Variants in GALNT18 observed in about 807,000 individuals in gnomAD.
GALNT18 encodes GalNAc-transferase 18.
In GALNT18, 44 loss-of-function variants were observed where a neutral mutation model predicts 69.5. The ratio of observed to expected loss-of-function variants is 0.63; its 90% CI spans 0.50 to 0.81. The LOEUF is 0.81. Among genes scored for constraint, GALNT18 ranks in the 40% least tolerant of loss-of-function variants. The pLI, the probability that GALNT18 is intolerant of heterozygous loss-of-function variation, is 0.00. For synonymous variants in GALNT18, 364 were observed against 318.2 expected, an observed-to-expected ratio of 1.14 and a Z score of -1.53; for missense variants, 715 against 810.0, an observed-to-expected ratio of 0.88 and a Z score of 1.42.
At position 11,620,294 on chromosome 11, in the gene GALNT18, G is replaced by C. The variant is rs1439888387; in HGVS notation, c.235+1065C>G. On this transcript the variant is annotated intron_variant, in intron 1 of 10. Coordinates refer to ENST00000227756, the MANE Select transcript of GALNT18 (RefSeq NM_198516.3). This position sits in a 1 kb window ranked among gnomAD's most constrained non-coding sequence, Gnocchi z 6.9. ...CCTGGAAGAAAGCAGGGGGCGCGGGGAGGGGAGGAAGTGTGGACGTGAGCG... is the reference window on the plus strand; with the variant it reads ...CCTGGAAGAAAGCAGGGGGCGCGGGCAGGGGAGGAAGTGTGGACGTGAGCG... Among the ~76,000 whole-genome samples the C allele has an allele frequency of 6.8e-6, 1 of 146,906 alleles. No individual in the cohort carries two copies.
chr11:11,271,382 CATT>C (rs909041539), intron 10 of GALNT18, 92 bp from the exon 11 acceptor site: 29 of 1,356,002 alleles, frequency 2.1e-5, no homozygotes, highest in Non-Finnish European at 2.5e-5. Context: ...TGAGGGCTGA[CATT>C]ATCTGTGTGG....
intron 1 of GALNT18, among the ~76,000 whole-genome samples, chr11:11,610,135 G>A (rs1565040454): frequency 6.6e-6 from 1 of 152,136 alleles, no homozygotes. Flanking sequence ...TAATCACTTG[G>A]TAACCCACCT....
chr11:11,379,736 G>T (rs1045948830), intron 3 of GALNT18, among the ~76,000 whole-genome samples: 3 of 152,178 alleles, frequency 2.0e-5, no homozygotes, highest in African/African-American at 7.2e-5. Context: ...CCTCTGCCAA[G>T]ACCCCAGCCC....
chr11:11,466,233 C>T (rs909568165), intron 1 of GALNT18, among the ~76,000 whole-genome samples: 1 of 152,194 alleles, frequency 6.6e-6, no homozygotes, highest in Non-Finnish European at 1.5e-5. Context: ...CTGCATTTTG[C>T]AAAACACTGA....
At chr11:11,272,053 C>G (rs1589993182) in intron 10 of GALNT18, among the ~76,000 whole-genome samples, 1 of 152,176 alleles carries the variant, frequency 6.6e-6, no homozygotes, top group Non-Finnish European at 1.5e-5. Context: ...TTGTGCTCAA[C>G]TAGACTTTGG....
intron 9 of GALNT18, among the ~76,000 whole-genome samples, chr11:11,312,285 T>A (rs1849685778): frequency 6.6e-6 from 1 of 152,246 alleles, no homozygotes; most frequent in Admixed American, 6.5e-5. Flanking sequence ...ACTTAACTGC[T>A]AACAGCCTAC....
At chr11:11,317,457 G>A (rs1425819190) in intron 9 of GALNT18, among the ~76,000 whole-genome samples, 4 of 152,108 alleles carry the variant, frequency 2.6e-5, no homozygotes, top group Non-Finnish European at 4.4e-5. Flanking sequence ...GGTATCTCAT[G>A]GTGGTTTTGA....
intron 3 of GALNT18, among the ~76,000 whole-genome samples, chr11:11,423,237 A>G (rs535392530): frequency 1.5e-4 from 23 of 152,262 alleles, no homozygotes; most frequent in Non-Finnish European, 2.9e-4. Flanking sequence ...CATGCAAGGC[A>G]TGCACACAAA....
chr11:11,423,239 GCACA>G (rs1855052885), intron 3 of GALNT18, among the ~76,000 whole-genome samples: 1 of 152,216 alleles, frequency 6.6e-6, no homozygotes, highest in Non-Finnish European at 1.5e-5. Context: ...TGCAAGGCAT[GCACA>G]CAAACACATG....
chr11:11,301,663 C>T (rs190047781), intron 9 of GALNT18, among the ~76,000 whole-genome samples: 108 of 152,318 alleles, frequency 7.1e-4, no homozygotes, highest in African/African-American at 2.6e-3. Context: ...CACAGGCACA[C>T]GAATCCCTCA....
At chr11:11,343,190 CA>C (rs573801514) in intron 6 of GALNT18, among the ~76,000 whole-genome samples, 31 of 151,524 alleles carry the variant, frequency 2.0e-4, no homozygotes, top group Admixed American at 1.1e-3. Flanking sequence ...CTGAAAATTT[CA>C]AAAAAAGTTA....
At chr11:11,599,204 A>T (rs953758421) in intron 1 of GALNT18, among the ~76,000 whole-genome samples, 2 of 152,156 alleles carry the variant, frequency 1.3e-5, no homozygotes, top group Non-Finnish European at 2.9e-5. Context: ...GAAGTCTCCA[A>T]CTATTAATGT....
intron 2 of GALNT18, among the ~76,000 whole-genome samples, chr11:11,437,182 T>C (rs1855421960): frequency 6.6e-6 from 1 of 152,178 alleles, no homozygotes; most frequent in Non-Finnish European, 1.5e-5. Context: ...AGCCCTTCCG[T>C]GTTTAAGCTC....
At chr11:11,365,440 A>T (rs1408794026) in intron 6 of GALNT18, among the ~76,000 whole-genome samples, 1 of 152,204 alleles carries the variant, frequency 6.6e-6, no homozygotes, top group Admixed American at 6.5e-5. Flanking sequence ...TATTGTAAAT[A>T]GTGCTGCAAT....
At chr11:11,452,540 C>T (rs1855826550) in intron 1 of GALNT18, among the ~76,000 whole-genome samples, 1 of 152,224 alleles carries the variant, frequency 6.6e-6, no homozygotes, top group African/African-American at 2.4e-5. Context: ...CTTCCAGCCC[C>T]ACATGAAGGC....
At chr11:11,475,122 T>C (rs1200520323) in intron 1 of GALNT18, 2 of 151,784 alleles carry the variant, frequency 1.3e-5, no homozygotes, top group South Asian at 2.1e-4. Flanking sequence ...AGTATGTAGA[T>C]TTCAACTTTC....
intron 1 of GALNT18, among the ~76,000 whole-genome samples, chr11:11,575,487 C>G (rs554637797): frequency 2.2e-4 from 34 of 152,362 alleles, no homozygotes; most frequent in African/African-American, 7.9e-4. Flanking sequence ...GGCAAGGAGG[C>G]TGGATGTGAG....
chr11:11,431,718 AT>A lies in GALNT18; in HGVS notation c.595+902del, dbSNP rs568191787. Among the ~76,000 whole-genome samples, 119 of 152,346 alleles carry A rather than the reference AT, an allele frequency of 7.8e-4. 1 individual carries two copies. The highest frequency in any genetic ancestry group is 2.0e-3 in the Admixed American group (30 of 15,306). ...CACAAATTGCCCATCTGAACTTCTC[AT>A]TACAGCAACTGATTCACTAGGAAAT... is the stretch of plus-strand genomic sequence containing the variant. On this transcript the variant is annotated intron_variant, in intron 3 of 10. Coordinates refer to ENST00000227756, the MANE Select transcript of GALNT18 (RefSeq NM_198516.3).
At chr11:11,273,049 G>A (rs1024881977) in intron 10 of GALNT18, among the ~76,000 whole-genome samples, 15 of 152,160 alleles carry the variant, frequency 9.9e-5, no homozygotes, top group African/African-American at 3.6e-4. Flanking sequence ...ATAGGTTAAA[G>A]ACTTAAATCT....
Sources: gnomAD v4.1 joint callset for allele counts (sites outside exome capture counted in the v4.1 genomes callset) on GRCh38, gnomAD v4.1.1 for gene constraint, Gnocchi (gnomAD v3.1) non-coding constraint, MANE v1.5 for transcripts, NCBI Gene and HGNC (gene_info 2026-07-23, HGNC 2026-07-21) for gene names.